Variants in PRTFDC1 observed in about 807,000 individuals in gnomAD.
PRTFDC1 encodes phosphoribosyl transferase domain containing 1.
Under a neutral mutation model 34.6 loss-of-function variants are expected in PRTFDC1, and 38 were observed. That is an observed-to-expected ratio of 1.10 (90% CI 0.85 to 1.44). The LOEUF (loss-of-function observed/expected upper bound fraction) is 1.44, where lower values mean the gene tolerates loss of function less well. PRTFDC1 is among the 40% of genes most tolerant of loss of function. The pLI is 0.00. For missense variants in PRTFDC1, 270 were observed against 283.0 expected (o/e 0.95, Z 0.33); for synonymous variants, 93 against 98.1 (o/e 0.95, Z 0.31).
At chr10:24,918,351 A>T (rs1197629139) in intron 3 of PRTFDC1, among the ~76,000 whole-genome samples, 1 of 152,128 alleles carries the variant, frequency 6.6e-6, no homozygotes, top group Non-Finnish European at 1.5e-5. Context: ...ATATCATATT[A>T]TATATATCCA....
At chr10:24,937,142 T>C in intron 3 of PRTFDC1, 42 bp downstream of exon 3, 2 of 1,491,664 alleles carry the variant, frequency 1.3e-6, no homozygotes, top group East Asian at 4.6e-5. Flanking sequence ...CCTAAAGCAT[T>C]GTTAAATGAA....
At chr10:24,914,595 A>G (rs1403649235) in intron 3 of PRTFDC1, among the ~76,000 whole-genome samples, 1 of 152,162 alleles carries the variant, frequency 6.6e-6, no homozygotes, top group African/African-American at 2.4e-5. Context: ...AACCTTATAC[A>G]TGCTACGATC....
At chr10:24,862,358 G>A (rs1273357593) in intron 4 of PRTFDC1, among the ~76,000 whole-genome samples, 1 of 150,512 alleles carries the variant, frequency 6.6e-6, no homozygotes, top group Non-Finnish European at 1.5e-5. Context: ...TTGCAGTATA[G>A]GCATACCTTG....
chr10:24,893,515 G>A (rs550768939), intron 3 of PRTFDC1, among the ~76,000 whole-genome samples: 57 of 152,174 alleles, frequency 3.7e-4, no homozygotes, highest in African/African-American at 1.2e-3. Context: ...TCAATAGGTT[G>A]CCCAGGCTGG....
At chr10:24,943,711 A>C (rs73606593) in intron 1 of PRTFDC1, among the ~76,000 whole-genome samples, 3,932 of 151,934 alleles carry the variant, frequency 0.026, 138 homozygotes, top group African/African-American at 0.087. Context: ...CACCATGCCC[A>C]GCTAATTTTT....
chr10:24,950,796 C>T (rs1849330596), intron 1 of PRTFDC1, among the ~76,000 whole-genome samples: 1 of 152,100 alleles, frequency 6.6e-6, no homozygotes, highest in Non-Finnish European at 1.5e-5. Flanking sequence ...TTAACAGTTG[C>T]TTTAATTGTT....
intron 3 of PRTFDC1, among the ~76,000 whole-genome samples, chr10:24,872,467 T>A (rs2132512400): frequency 6.6e-6 from 1 of 152,162 alleles, no homozygotes; most frequent in East Asian, 1.9e-4. Context: ...TGATTAAAGA[T>A]CTGCAGTGGA....
chr10:24,908,217 C>G (rs1848566433), intron 3 of PRTFDC1: 2 of 334,540 alleles, frequency 6.0e-6, no homozygotes, highest in Admixed American at 8.2e-5. Context: ...GCAGCAGATA[C>G]ATTTTTGTTG....
At chr10:24,861,931 G>A (rs557116062) in intron 4 of PRTFDC1, among the ~76,000 whole-genome samples, 3 of 151,764 alleles carry the variant, frequency 2.0e-5, no homozygotes, top group South Asian at 4.2e-4. Flanking sequence ...GAGCCACTGC[G>A]CCCAGCCGTG....
At chr10:24,943,385 G>A (rs1006467589) in intron 1 of PRTFDC1, among the ~76,000 whole-genome samples, 7 of 152,214 alleles carry the variant, frequency 4.6e-5, no homozygotes, top group African/African-American at 1.7e-4. Context: ...TCTCGCTTAG[G>A]ACTTGATGTG....
intron 1 of PRTFDC1, among the ~76,000 whole-genome samples, chr10:24,950,751 G>A (rs1015468095): frequency 9.9e-5 from 15 of 151,896 alleles, no homozygotes; most frequent in African/African-American, 3.4e-4. Flanking sequence ...CCCACAGGCA[G>A]CCTCTTATAT....
At chr10:24,946,414 A>G (rs948460453) in intron 1 of PRTFDC1, among the ~76,000 whole-genome samples, 8 of 152,176 alleles carry the variant, frequency 5.3e-5, no homozygotes, top group African/African-American at 1.9e-4. Context: ...AACAGACTAA[A>G]AGTGCCAAAA....
chr10:24,849,721 C>A lies in PRTFDC1; in HGVS notation c.*123G>T. On this transcript the variant is annotated 3_prime_UTR_variant, in exon 9 of 9. Transcript: ENST00000320152. Reference sequence around the variant, plus strand: ...AGAAAAGAAAGCTCTCTCATTTGAACATTTTTTTCTTTTATATCCTGCTGA... The same window carrying A: ...AGAAAAGAAAGCTCTCTCATTTGAAAATTTTTTTCTTTTATATCCTGCTGA... The A allele has an allele frequency of 1.2e-6, 1 of 830,530 alleles. No homozygotes were observed. The highest frequency in any genetic ancestry group is 2.0e-6 in the Non-Finnish European group (1 of 508,440). The allele number at this position is 830,530 out of a possible 1,614,324, so 51.4% of individuals were successfully genotyped here.
intron 2 of PRTFDC1, among the ~76,000 whole-genome samples, chr10:24,941,515 T>C (rs1173311083): frequency 6.6e-6 from 1 of 152,082 alleles, no homozygotes; most frequent in Non-Finnish European, 1.5e-5. Flanking sequence ...GGCTTATAAA[T>C]TTATTTCAAA....
intron 8 of PRTFDC1, 124 bp from the exon 9 acceptor site, chr10:24,850,015 T>C: frequency 1.2e-6 from 1 of 855,232 alleles, no homozygotes; most frequent in East Asian, 2.5e-5. Context: ...TAGAAATGTG[T>C]GTATTTATAT....
intron 3 of PRTFDC1, among the ~76,000 whole-genome samples, chr10:24,929,454 T>C (rs902279487): frequency 2.1e-4 from 32 of 152,316 alleles, no homozygotes; most frequent in Non-Finnish European, 4.4e-4. Flanking sequence ...AAAAAATCTC[T>C]TGGTGTTGCC....
intron 7 of PRTFDC1, among the ~76,000 whole-genome samples, chr10:24,851,868 C>T (rs1047528692): frequency 2.6e-5 from 4 of 151,704 alleles, no homozygotes; most frequent in East Asian, 3.9e-4. Context: ...GGCGTTACGA[C>T]GCTGCATTAT....
Position 24,887,269 on chromosome 10 carries a change from C to T in PRTFDC1, c.340-15206G>A, listed in dbSNP as rs369296421. Among the ~76,000 whole-genome samples the T allele has an allele frequency of 2.9e-3, 441 of 152,256 alleles. 1 individual carries two copies. The highest frequency in any genetic ancestry group is 0.01 in the African/African-American group (420 of 41,548). Reference sequence around the variant, plus strand: ...ACAGGCGTGAGCCACCGCGCCCGGCCGTTAATACTCCTTCTAATAGGGTTT... The same window carrying T: ...ACAGGCGTGAGCCACCGCGCCCGGCTGTTAATACTCCTTCTAATAGGGTTT... On this transcript the variant is annotated intron_variant, in intron 3 of 8. Transcript: ENST00000320152.
At chr10:24,919,377 T>C (rs901788631) in intron 3 of PRTFDC1, among the ~76,000 whole-genome samples, 24 of 152,092 alleles carry the variant, frequency 1.6e-4, no homozygotes, top group Non-Finnish European at 1.5e-5. Context: ...AAACAAGCAA[T>C]AGGGAAAGGA....
Sources: gnomAD v4.1 joint callset for allele counts (sites outside exome capture counted in the v4.1 genomes callset) on GRCh38, gnomAD v4.1.1 for gene constraint, MANE v1.5 for transcripts, NCBI Gene and HGNC (gene_info 2026-07-23, HGNC 2026-07-21) for gene names.